The following PPEF1 variants were observed in gnomAD, a reference collection of about 807,000 sequenced individuals.
The protein encoded by PPEF1 is protein phosphatase with EF-hand domain 1.
Under a neutral mutation model 53.3 loss-of-function variants are expected in PPEF1, and 12 were observed. That is an observed-to-expected ratio of 0.23 (90% CI 0.14 to 0.36). PPEF1 has a LOEUF of 0.36. Ranked by LOEUF, PPEF1 falls within the 10% of genes least tolerant of loss-of-function variation. The probability of loss-of-function intolerance (pLI) is 1.00; values close to 1 mark genes in which losing one functional copy is unlikely to be tolerated. For synonymous variants in PPEF1, 165 were observed against 176.7 expected (o/e 0.93, Z 0.52); for missense variants, 334 against 490.4 (o/e 0.68, Z 3.01).
chrX:18,738,923 A>C (rs2045069012), intron 3 of PPEF1, among the ~76,000 whole-genome samples: 2 of 111,998 alleles, frequency 1.8e-5, no homozygotes, highest in South Asian at 3.7e-4. Context: ...CAAATCAGCT[A>C]CTGAAGCTTG....
intron 7 of PPEF1, among the ~76,000 whole-genome samples, chrX:18,781,212 G>A (rs1165814123): frequency 9.0e-6 from 1 of 110,763 alleles, no homozygotes; most frequent in Non-Finnish European, 1.9e-5. Context: ...TTTTGGGTAA[G>A]CTGATTTGAG....
In PPEF1 at chrX:18,740,839, A is replaced by G. The variant is rs747962668; in HGVS notation, c.235+7031A>G. On this transcript the variant is annotated intron_variant, in intron 3 of 15. Transcript: ENST00000470157. ...TTTACAACCATGTATTTCTCCTGCAAATTAAGATCTGCCTGTTATTATCTC... is the reference window on the plus strand; with the variant it reads ...TTTACAACCATGTATTTCTCCTGCAGATTAAGATCTGCCTGTTATTATCTC... Among the ~76,000 whole-genome samples the G allele has an allele frequency of 2.7e-5, 3 of 111,028 alleles. No individual in the cohort carries two copies. In the South Asian group the frequency reaches 1.1e-3, roughly 42 times the overall value.
chrX:18,682,959 G>A (rs1163806185), upstream of PPEF1, among the ~76,000 whole-genome samples: 3 of 111,675 alleles, frequency 2.7e-5, no homozygotes, highest in East Asian at 2.8e-4. Context: ...CAATCATGGC[G>A]GAGGATGAAG....
At chrX:18,711,497 C>G (rs1042039258) in intron 1 of PPEF1, among the ~76,000 whole-genome samples, 1 of 111,666 alleles carries the variant, frequency 9.0e-6, no homozygotes, top group Non-Finnish European at 1.9e-5. Context: ...TTAGCTCTTA[C>G]TTTTAGGCAT....
intron 12 of PPEF1, among the ~76,000 whole-genome samples, chrX:18,812,087 T>A (rs1228426463): frequency 8.9e-6 from 1 of 111,925 alleles, no homozygotes; most frequent in African/African-American, 3.2e-5. Flanking sequence ...AAGGATTCAT[T>A]CCTATGTTCT....
upstream of PPEF1, among the ~76,000 whole-genome samples, chrX:18,707,203 A>G (rs933980534): frequency 2.7e-5 from 3 of 111,763 alleles, no homozygotes; most frequent in Non-Finnish European, 5.6e-5. Flanking sequence ...GAATTTCAGC[A>G]TAGCTGTTAA....
chrX:18,766,065 C>CAA (rs61277288), intron 6 of PPEF1, among the ~76,000 whole-genome samples: 11 of 63,975 alleles, frequency 1.7e-4, no homozygotes, highest in African/African-American at 6.6e-4. Flanking sequence ...AACTCTGTCT[C>CAA]AAAAAAAAAA....
At chrX:18,787,682 G>A (rs751743583) in intron 9 of PPEF1, among the ~76,000 whole-genome samples, 6 of 108,133 alleles carry the variant, frequency 5.5e-5, no homozygotes, top group Non-Finnish European at 1.1e-4. Context: ...TACATTGGGA[G>A]GCCGAAGTGA....
intron 10 of PPEF1, among the ~76,000 whole-genome samples, chrX:18,802,727 T>C (rs1380325436): frequency 9.0e-6 from 1 of 111,659 alleles, no homozygotes; most frequent in Non-Finnish European, 1.9e-5. Context: ...ACACACCTAA[T>C]GTGTGGGCAT....
At chrX:18,710,926 C>A in intron 1 of PPEF1, among the ~76,000 whole-genome samples, 1 of 110,442 alleles carries the variant, frequency 9.1e-6, no homozygotes, top group Non-Finnish European at 1.9e-5. Flanking sequence ...TATGGAATCA[C>A]CGTAAGTGTT....
intron 10 of PPEF1, among the ~76,000 whole-genome samples, chrX:18,795,758 G>T (rs1458322713): frequency 8.9e-6 from 1 of 111,992 alleles, no homozygotes; most frequent in African/African-American, 3.2e-5. Flanking sequence ...GCAACCTGAT[G>T]ACGTAGATAA....
At chrX:18,798,780 C>T (rs751862484) in intron 10 of PPEF1, among the ~76,000 whole-genome samples, 340 of 111,161 alleles carry the variant, frequency 3.1e-3, no homozygotes, top group African/African-American at 1.0e-2. Flanking sequence ...TCTGCCACCA[C>T]GTCCGGCTAA....
upstream of PPEF1, among the ~76,000 whole-genome samples, chrX:18,703,414 A>G (rs1207602950): frequency 2.7e-5 from 3 of 112,518 alleles, no homozygotes; most frequent in Non-Finnish European, 5.6e-5. Context: ...AAAATTATGT[A>G]TAAGTACTAC....
intron 7 of PPEF1, among the ~76,000 whole-genome samples, chrX:18,779,773 C>CT (rs758999472): frequency 5.4e-5 from 6 of 112,025 alleles, no homozygotes; most frequent in Non-Finnish European, 9.4e-5. Flanking sequence ...CTTTTCCCTT[C>CT]TTTTTTTCTT....
chrX:18,705,681 C>T (rs1602360606), upstream of PPEF1, among the ~76,000 whole-genome samples: 1 of 111,316 alleles, frequency 9.0e-6, no homozygotes, highest in South Asian at 3.8e-4. Context: ...CGCCACTGCA[C>T]TCCAGCCTGG....
At chrX:18,774,537 A>G (rs2045928719) in intron 6 of PPEF1, among the ~76,000 whole-genome samples, 1 of 112,360 alleles carries the variant, frequency 8.9e-6, no homozygotes, top group African/African-American at 3.2e-5. Flanking sequence ...CCTAGCACCT[A>G]AAACTGTGCC....
intron 6 of PPEF1, among the ~76,000 whole-genome samples, chrX:18,701,773 T>C (rs975316680): frequency 2.7e-5 from 3 of 112,546 alleles, no homozygotes; most frequent in Non-Finnish European, 3.7e-5. Flanking sequence ...CCTGAACTTA[T>C]TATGTAATAG....
rs929353003 is a variant in PPEF1, at chrX:18,685,085, T to A, written c.-520+316T>A. Among the ~76,000 whole-genome samples the A allele has an allele frequency of 4.5e-5, 5 of 112,347 alleles. No individual in the cohort carries two copies. In the South Asian group the frequency reaches 1.1e-3, roughly 24 times the overall value. On this transcript the variant is annotated intron_variant, in intron 2 of 21. Coordinates refer to the PPEF1 transcript ENST00000361511. Reference sequence around the variant, plus strand: ...GATGGAAATGGAATGGGTTACTCCCTCGACTCCCACAACACTTACTGCCTG... The same window carrying A: ...GATGGAAATGGAATGGGTTACTCCCACGACTCCCACAACACTTACTGCCTG...
chrX:18,683,976 T>C (rs754228136), intron 1 of PPEF1, among the ~76,000 whole-genome samples: 2 of 112,240 alleles, frequency 1.8e-5, no homozygotes, highest in African/African-American at 6.5e-5. Flanking sequence ...AGTAGAAGTT[T>C]CAGTTATATG....
Sources: allele counts gnomAD v4.1 joint callset (sites outside exome capture counted in the v4.1 genomes callset), GRCh38; gene constraint gnomAD v4.1.1; transcripts MANE v1.5; gene names NCBI Gene and HGNC (gene_info 2026-07-23, HGNC 2026-07-21).